Variants in ZNF567 observed in about 807,000 individuals in gnomAD.
ZNF567 encodes the protein zinc finger protein 567.
A neutral mutation model predicts 53.9 loss-of-function variants in ZNF567; 36 were observed. The observed-to-expected ratio is 0.67, with a 90% CI of 0.51 to 0.88. The LOEUF is 0.88. Among genes scored for constraint, ZNF567 ranks in the 40% least tolerant of loss-of-function variants. The probability of loss-of-function intolerance (pLI) is 0.00; values close to 1 mark genes in which losing one functional copy is unlikely to be tolerated. For synonymous variants in ZNF567, 224 were observed against 260.4 expected (o/e 0.86, Z 1.35); for missense variants, 619 against 764.7 (o/e 0.81, Z 2.25).
At chr19:36,716,698 A>G (rs2040080902) in intron 5 of ZNF567, among the ~76,000 whole-genome samples, 1 of 152,174 alleles carries the variant, frequency 6.6e-6, no homozygotes, top group African/African-American at 2.4e-5. Context: ...ATATCTTTTC[A>G]TCCATTCAGA....
At chr19:36,710,441 A>C (rs2039722671) in intron 3 of ZNF567, among the ~76,000 whole-genome samples, 1 of 152,142 alleles carries the variant, frequency 6.6e-6, no homozygotes, top group African/African-American at 2.4e-5. Context: ...ACTGGACATC[A>C]TAAATAGTAT....
chr19:36,725,361 C>G (rs1446122008), downstream of ZNF567, among the ~76,000 whole-genome samples: 4 of 152,160 alleles, frequency 2.6e-5, no homozygotes, highest in East Asian at 7.8e-4. Context: ...TGCCACCACA[C>G]CCGGCTAATT....
intron 5 of ZNF567, among the ~76,000 whole-genome samples, chr19:36,713,361 G>A (rs1220641201): frequency 6.6e-6 from 1 of 151,910 alleles, no homozygotes; most frequent in Admixed American, 6.6e-5. Context: ...GGAAGCTAAG[G>A]TGGGAGGATC....
chr19:36,674,856 C>T, the ZNF567 span, among the ~76,000 whole-genome samples: 23 of 152,032 alleles, frequency 1.5e-4, no homozygotes, highest in Admixed American at 1.1e-3. Flanking sequence ...TGGGCTCAAG[C>T]GATTCTCGTG....
At chr19:36,710,337 G>A (rs2039715012) in intron 3 of ZNF567, among the ~76,000 whole-genome samples, 1 of 115,318 alleles carries the variant, frequency 8.7e-6, no homozygotes, top group African/African-American at 3.3e-5. Context: ...CTAGGAGTTA[G>A]TTTCTGTGAT....
chr19:36,667,389 C>T, the ZNF567 span, among the ~76,000 whole-genome samples: 2 of 151,654 alleles, frequency 1.3e-5, no homozygotes, highest in Admixed American at 1.3e-4. Context: ...GTAATCCCAG[C>T]TACTCGGGAG....
chr19:36,667,817 T>A, the ZNF567 span, among the ~76,000 whole-genome samples: 1 of 151,042 alleles, frequency 6.6e-6, no homozygotes, highest in East Asian at 2.0e-4. Context: ...GCCCGGCTAA[T>A]TTTTTGTATT....
At chr19:36,705,914 T>C (rs1187439512) in intron 3 of ZNF567, among the ~76,000 whole-genome samples, 2 of 152,106 alleles carry the variant, frequency 1.3e-5, no homozygotes, top group East Asian at 3.8e-4. Context: ...AAATCTATTT[T>C]GGTTAATATT....
intron 5 of ZNF567, among the ~76,000 whole-genome samples, chr19:36,713,420 C>G (rs1165466563): frequency 6.6e-6 from 1 of 151,496 alleles, no homozygotes. Flanking sequence ...TTGCACCACT[C>G]CAACCTGGGA....
chr19:36,723,047 C>A, downstream of ZNF567: 2 of 597,800 alleles, frequency 3.3e-6, no homozygotes, highest in South Asian at 2.1e-5. Flanking sequence ...AATTATAGGA[C>A]TTATAATCAG....
At chr19:36,682,565 C>T in the ZNF567 span, among the ~76,000 whole-genome samples, 2 of 147,540 alleles carry the variant, frequency 1.4e-5, no homozygotes, top group Non-Finnish European at 3.0e-5. Flanking sequence ...TCTGTAATGG[C>T]GGTTGCATGG....
chr19:36,667,329 C>T, the ZNF567 span, among the ~76,000 whole-genome samples: 18 of 151,984 alleles, frequency 1.2e-4, no homozygotes, highest in Non-Finnish European at 1.9e-4. Flanking sequence ...ATGGAGAAAC[C>T]CCGTCTCTAC....
the ZNF567 span, among the ~76,000 whole-genome samples, chr19:36,676,289 C>A: frequency 2.0e-5 from 3 of 151,486 alleles, no homozygotes; most frequent in Non-Finnish European, 4.4e-5. Context: ...TGGTCTCGAA[C>A]CTCTGACCTC....
chr19:36,725,580 T>C (rs930882242), downstream of ZNF567, among the ~76,000 whole-genome samples: 1 of 152,232 alleles, frequency 6.6e-6, no homozygotes, highest in Non-Finnish European at 1.5e-5. Flanking sequence ...TTATCTTGTT[T>C]AAATTCACTC....
In ZNF567 at chr19:36,719,732, G is replaced by A. The variant is rs117657033; in HGVS notation, c.1008G>A (p.Ser336=). The change falls in exon 6 of 6, where the codon TCG becomes TCA. Residue 336 remains serine, a synonymous_variant. Transcript: ENST00000682579. ...AGAGAACACACACAGGGGAGAAATC[G>A]TATGAATGTCTGCAATGTAGGAATG... ...DHQRTHTGEK[S]YECLQCRNAF... 850 of 1,613,558 alleles carry A rather than the reference G, an allele frequency of 5.3e-4. 6 individuals carry two copies. The East Asian group carries it at 0.016, about 30-fold the overall frequency.
At chr19:36,710,222 AG>A (rs1380815424) in intron 3 of ZNF567, among the ~76,000 whole-genome samples, 1 of 147,252 alleles carries the variant, frequency 6.8e-6, no homozygotes, top group Admixed American at 6.8e-5. Context: ...GAGCTTCTCT[AG>A]TTAATTTTTT....
intron 3 of ZNF567, among the ~76,000 whole-genome samples, chr19:36,702,439 T>C (rs2039248252): frequency 6.6e-6 from 1 of 151,908 alleles, no homozygotes; most frequent in South Asian, 2.1e-4. Flanking sequence ...CTTTGTGGCA[T>C]TCTCTGTATT....
downstream of ZNF567, among the ~76,000 whole-genome samples, chr19:36,725,926 G>A (rs1361182559): frequency 6.6e-6 from 1 of 152,062 alleles, no homozygotes; most frequent in Non-Finnish European, 1.5e-5. Context: ...GGGCATGAAT[G>A]TTAATCTTGT....
upstream of ZNF567, among the ~76,000 whole-genome samples, chr19:36,682,849 C>T (rs1192156313): frequency 2.0e-5 from 3 of 151,706 alleles, no homozygotes; most frequent in Admixed American, 6.6e-5. Flanking sequence ...CCTCGTGATC[C>T]GCCCATGTCA....
Sources: gnomAD v4.1 joint callset for allele counts (sites outside exome capture counted in the v4.1 genomes callset) on GRCh38, gnomAD v4.1.1 for gene constraint, MANE v1.5 for transcripts, NCBI Gene and HGNC (gene_info 2026-07-23, HGNC 2026-07-21) for gene names.